Variants in SPATS2 observed in about 807,000 individuals in gnomAD.
SPATS2 encodes spermatogenesis associated serine rich 2, also known as spermatogenesis-associated serine-rich protein 2.
Under a neutral mutation model 63.7 loss-of-function variants are expected in SPATS2, and 38 were observed. The ratio of observed to expected loss-of-function variants is 0.60; its 90% CI spans 0.46 to 0.78. SPATS2 has a LOEUF of 0.78. SPATS2 is among the 30% of genes least tolerant of loss of function. The pLI is 0.00. For synonymous variants in SPATS2, 207 were observed against 232.9 expected (o/e 0.89, Z 1.01); for missense variants, 588 against 666.2 (o/e 0.88, Z 1.29).
intron 3 of SPATS2, among the ~76,000 whole-genome samples, chr12:49,465,812 C>T (rs1261429607): frequency 2.6e-5 from 4 of 152,008 alleles, no homozygotes; most frequent in African/African-American, 4.8e-5. Flanking sequence ...GGTGTGGTGG[C>T]GGGTGCGTGT....
At chr12:49,389,491 C>A in intron 2 of SPATS2, 1 of 833,426 alleles carries the variant, frequency 1.2e-6, no homozygotes, top group Admixed American at 1.8e-5. Context: ...CTGCGAGGGA[C>A]TAAGAGCAGG....
At chr12:49,404,012 C>T (rs926404938) in intron 2 of SPATS2, among the ~76,000 whole-genome samples, 3 of 152,158 alleles carry the variant, frequency 2.0e-5, no homozygotes, top group African/African-American at 7.2e-5. Context: ...TAGATTCATT[C>T]GTTCCAGTGG....
At chr12:49,449,568 A>G (rs1438113099) in intron 2 of SPATS2, among the ~76,000 whole-genome samples, 1 of 152,170 alleles carries the variant, frequency 6.6e-6, no homozygotes. Flanking sequence ...AAATAAAGAC[A>G]TATCTGAGAC....
At chr12:49,466,704 T>G (rs1402348787) in intron 3 of SPATS2, among the ~76,000 whole-genome samples, 1 of 152,214 alleles carries the variant, frequency 6.6e-6, no homozygotes, top group Non-Finnish European at 1.5e-5. Context: ...GGCTTTATAG[T>G]AAATATAGTT....
At chr12:49,455,257 C>T (rs551042893) in intron 2 of SPATS2, among the ~76,000 whole-genome samples, 1 of 152,266 alleles carries the variant, frequency 6.6e-6, no homozygotes, top group Non-Finnish European at 1.5e-5. Flanking sequence ...TGGGAACTGC[C>T]TTCAAAGCTC....
intron 2 of SPATS2, among the ~76,000 whole-genome samples, chr12:49,409,135 G>A (rs1393522798): frequency 1.3e-5 from 2 of 152,126 alleles, no homozygotes; most frequent in African/African-American, 2.4e-5. Flanking sequence ...CAGCATCATA[G>A]AATCAAACTG....
rs367735131 is a variant in SPATS2, at chr12:49,499,391, GTTGTTTTGTTTTGTTTTGTTTTGTT to G, written c.704-651_704-627del. Reference sequence around the variant, plus strand: ...TGAGCTCTGGGGATTGTTCTGCCTGGTTGTTTTGTTTTGTTTTGTTTTGTTTTGTTTTGTTTTGTTTTGTTTTGTT... The same window carrying G: ...TGAGCTCTGGGGATTGTTCTGCCTGGTTGTTTTGTTTTGTTTTGTTTTGTT... On this transcript the variant is annotated intron_variant, in intron 8 of 13. Transcript: ENST00000552918. Among the ~76,000 whole-genome samples the G allele has an allele frequency of 2.1e-3, 314 of 146,548 alleles. 2 individuals are homozygous for G. The highest frequency in any genetic ancestry group is 7.1e-3 in the African/African-American group (281 of 39,624).
intron 2 of SPATS2, among the ~76,000 whole-genome samples, chr12:49,427,182 A>G (rs981448454): frequency 6.6e-6 from 1 of 152,198 alleles, no homozygotes; most frequent in African/African-American, 2.4e-5. Flanking sequence ...GGCTCAAGCA[A>G]TCTGCCTGCC....
In SPATS2 at chr12:49,503,329, G is replaced by A. The variant is rs538923462; in HGVS notation, c.839+3124G>A. 3.3e-5 allele frequency among the ~76,000 whole-genome samples: 5 copies of A among 150,758 alleles called. No homozygotes were observed. The East Asian group carries it at 7.9e-4, about 24-fold the overall frequency. On this transcript the variant is annotated intron_variant, in intron 9 of 13. Transcript: ENST00000552918. The stretch of plus-strand genomic sequence containing the variant: ...CGCGCCATTGCACTCCAGCCTGGGC[G>A]ATAGGGCGAGACTCCATCTCAAAAA...
At chr12:49,435,908 A>G (rs879917595) in intron 2 of SPATS2, among the ~76,000 whole-genome samples, 10 of 150,212 alleles carry the variant, frequency 6.7e-5, no homozygotes, top group Non-Finnish European at 1.5e-4. Flanking sequence ...CCCTTAATCC[A>G]TTCAACCCTG....
intron 1 of SPATS2, among the ~76,000 whole-genome samples, chr12:49,370,414 G>C (rs1943977607): frequency 6.6e-6 from 1 of 152,134 alleles, no homozygotes; most frequent in Admixed American, 6.5e-5. Flanking sequence ...GTATTTTTTG[G>C]ATGTAATTGT....
At chr12:49,505,814 T>C (rs548398678) in intron 9 of SPATS2, among the ~76,000 whole-genome samples, 41 of 152,356 alleles carry the variant, frequency 2.7e-4, no homozygotes, top group East Asian at 1.2e-3. Flanking sequence ...TTCAGACTTA[T>C]TAACCTATGA....
intron 2 of SPATS2, among the ~76,000 whole-genome samples, chr12:49,438,356 T>A (rs1945355074): frequency 6.6e-6 from 1 of 152,236 alleles, no homozygotes; most frequent in Non-Finnish European, 1.5e-5. Flanking sequence ...TCTATTCATC[T>A]TCTTGTTACC....
rs772051939 is a variant in SPATS2, at chr12:49,527,362, C to G, written c.*1107C>G. On this transcript the variant is annotated 3_prime_UTR_variant, in exon 14 of 14. Transcript: ENST00000552918. ...ATTAGTGTTAATCTAAGGCATTACT[C>G]ATCAAAAAAATTGCTGCAGTCTTTA... 1 of 151,718 alleles carries G rather than the reference C, an allele frequency of 6.6e-6. No individual in the cohort carries two copies. The highest frequency in any genetic ancestry group is 1.5e-5 in the Non-Finnish European group (1 of 67,980). 9.4% of individuals were successfully genotyped at this position (151,718 alleles called of 1,614,324 possible). A position where few individuals can be genotyped will look rare whatever the true frequency, so the allele number is the denominator to read the frequency against.
intron 13 of SPATS2, among the ~76,000 whole-genome samples, chr12:49,525,480 C>T (rs905765671): frequency 6.6e-6 from 1 of 152,264 alleles, no homozygotes; most frequent in Admixed American, 6.5e-5. Context: ...GATTATAATG[C>T]GAAAGATGTG....
intron 3 of SPATS2, chr12:49,469,667 G>A (rs1174123631): frequency 5.3e-6 from 2 of 375,746 alleles, no homozygotes; most frequent in Non-Finnish European, 1.0e-5. Flanking sequence ...GAGGCGGGCA[G>A]ATCACTTGAG....
At position 49,524,733 on chromosome 12, in the gene SPATS2, C is replaced by G. The variant is rs1947002979; in HGVS notation, c.1163C>G (p.Thr388Arg). The G allele has an allele frequency of 6.2e-7, 1 of 1,614,090 alleles. No individual in the cohort carries two copies. Among genetic ancestry groups the G allele is most frequent in the Admixed American group, 1.7e-5 (1 of 60,002 alleles). The part of the protein sequence containing the change: ...YSTRSRCSSV[T>R]SVSLSSPSDA... ...ACCAGATCCCGATGTAGCTCAGTTA[C>G]ATCTGTGTCCTTGAGTAGCCCAAGT... Residue 388 changes from threonine (T) to arginine (R), a missense_variant, in exon 13 of 14, where the codon ACA becomes AGA. Thr to Arg is a moderately conservative substitution (Grantham distance 71). Coordinates refer to ENST00000552918, the MANE Select transcript of SPATS2 (RefSeq NM_023071.4).
At position 49,484,297 on chromosome 12, in the gene SPATS2, G is replaced by T. The variant is rs535700324; in HGVS notation, c.26-293G>T. On this transcript the variant is annotated intron_variant, in intron 3 of 13. Coordinates refer to ENST00000552918, the MANE Select transcript of SPATS2 (RefSeq NM_023071.4). ...TATTTACTTGTGACATTTTTAGAAG[G>T]CCTTAAGGTGGGATAATTAACAACG... Among the ~76,000 whole-genome samples the T allele has an allele frequency of 1.5e-4, 23 of 152,256 alleles. No homozygotes were observed. In the South Asian group the frequency reaches 4.8e-3, roughly 32 times the overall value.
At chr12:49,492,414 G>T in intron 6 of SPATS2, among the ~76,000 whole-genome samples, 1 of 147,730 alleles carries the variant, frequency 6.8e-6, no homozygotes, top group East Asian at 1.9e-4. Context: ...TAGAGACAGG[G>T]TTTCACCATG....
Sources: gnomAD v4.1 joint callset for allele counts (sites outside exome capture counted in the v4.1 genomes callset) on GRCh38, gnomAD v4.1.1 for gene constraint, MANE v1.5 for transcripts, NCBI Gene and HGNC (gene_info 2026-07-23, HGNC 2026-07-21) for gene names.